ERBIN: variants seen among roughly 807,000 people sequenced by gnomAD.
ERBIN encodes the protein densin-180-like protein.
A neutral mutation model predicts 158.4 loss-of-function variants in ERBIN; 60 were observed. That is an observed-to-expected ratio of 0.38 (90% CI 0.31 to 0.47). ERBIN has a LOEUF of 0.47. Ranked by LOEUF, ERBIN falls within the 20% of genes least tolerant of loss-of-function variation. The pLI is 0.99. For synonymous variants in ERBIN, 594 were observed against 557.2 expected (o/e 1.07, Z -0.93); for missense variants, 1,610 against 1,648.0 (o/e 0.98, Z 0.40).
intron 14 of ERBIN, among the ~76,000 whole-genome samples, chr5:66,037,706 G>GGC (rs1757528760): frequency 6.6e-6 from 1 of 152,104 alleles, no homozygotes; most frequent in South Asian, 2.1e-4. Context: ...AGTCAGCCAA[G>GGC]GCTTTTATTG....
At chr5:66,042,128 C>T (rs539558832) in intron 15 of ERBIN, among the ~76,000 whole-genome samples, 10 of 151,986 alleles carry the variant, frequency 6.6e-5, no homozygotes, top group Admixed American at 5.9e-4. Flanking sequence ...CAGAAATATT[C>T]GAATTGACCA....
intron 14 of ERBIN, 38 bp from the exon 15 acceptor site, chr5:66,038,345 G>C (rs1220680052): frequency 7.4e-7 from 1 of 1,356,612 alleles, no homozygotes. Flanking sequence ...ATTTGCTTTA[G>C]GGTTATTGAA....
chr5:65,978,776 C>A (rs1022644469), intron 1 of ERBIN, among the ~76,000 whole-genome samples: 5 of 152,192 alleles, frequency 3.3e-5, no homozygotes, highest in African/African-American at 7.2e-5. Flanking sequence ...GTCCCTGTTA[C>A]ATTTTGCCAA....
At chr5:66,070,445 G>C (rs1274346451) in intron 21 of ERBIN, among the ~76,000 whole-genome samples, 1 of 152,014 alleles carries the variant, frequency 6.6e-6, no homozygotes, top group Admixed American at 6.6e-5. Flanking sequence ...ATTAACTCAG[G>C]GGTAATCTTT....
intron 1 of ERBIN, among the ~76,000 whole-genome samples, chr5:65,934,665 A>T (rs574754369): frequency 8.5e-5 from 13 of 152,290 alleles, no homozygotes; most frequent in African/African-American, 2.9e-4. Flanking sequence ...TTATGTGATT[A>T]AAGTTGTGGC....
At chr5:66,026,269 T>G (rs377608785) in intron 12 of ERBIN, 33 bp from the exon 13 acceptor site, 12 of 1,445,626 alleles carry the variant, frequency 8.3e-6, no homozygotes, top group African/African-American at 5.9e-5. Flanking sequence ...GTAGGCCAAA[T>G]TTTTTGATAC....
chr5:65,952,709 A>T (rs1215727331), intron 1 of ERBIN, among the ~76,000 whole-genome samples: 3 of 152,216 alleles, frequency 2.0e-5, no homozygotes, highest in Non-Finnish European at 4.4e-5. Flanking sequence ...GACTTTACAG[A>T]TACCTTGTAT....
intron 1 of ERBIN, among the ~76,000 whole-genome samples, chr5:65,968,443 G>A (rs1330898619): frequency 1.3e-5 from 2 of 152,168 alleles, no homozygotes; most frequent in Non-Finnish European, 2.9e-5. Flanking sequence ...ACTTTGAGAG[G>A]CTCTGTGGAA....
chr5:65,959,609 T>C (rs1747691925), intron 1 of ERBIN, among the ~76,000 whole-genome samples: 1 of 152,204 alleles, frequency 6.6e-6, no homozygotes, highest in African/African-American at 2.4e-5. Context: ...GAATACAACA[T>C]TGGAATTACA....
chr5:66,076,319 C>T lies in ERBIN; in HGVS notation c.3967C>T (p.Arg1323Ter). ...CTTTATTTTCATATTAACTCAGATT[C>T]GAGTGAGGGTTGAAAAGGATCCAGA... Reference protein sequence around the residue: ...QGHELAKQEIRVRVEKDPELG... With the variant: ...QGHELAKQEI Residue 1323 changes from arginine to a stop codon, truncating the protein, a stop_gained, in exon 24 of 26, where the codon CGA (arginine) becomes TGA (stop). Coordinates refer to ENST00000284037, the MANE Select transcript of ERBIN (RefSeq NM_001253697.2). LOFTEE classifies it high-confidence loss of function. The T allele has an allele frequency of 6.2e-7, 1 of 1,610,254 alleles. No individual in the cohort carries two copies. The highest frequency in any genetic ancestry group is 8.5e-7 in the Non-Finnish European group (1 of 1,178,736).
At chr5:65,998,197 T>C (rs1318568186) in intron 4 of ERBIN, among the ~76,000 whole-genome samples, 1 of 151,106 alleles carries the variant, frequency 6.6e-6, no homozygotes, top group East Asian at 1.9e-4. Flanking sequence ...CACTGTACTC[T>C]AGCTTGGGCG....
chr5:66,022,174 A>G (rs1210507938), intron 8 of ERBIN, among the ~76,000 whole-genome samples: 1 of 152,146 alleles, frequency 6.6e-6, no homozygotes, highest in Non-Finnish European at 1.5e-5. Flanking sequence ...GAGGAGGAAC[A>G]TGGTACTTTG....
At chr5:65,959,076 TTTATA>T (rs1325336512) in intron 1 of ERBIN, among the ~76,000 whole-genome samples, 1 of 152,248 alleles carries the variant, frequency 6.6e-6, no homozygotes, top group Non-Finnish European at 1.5e-5. Flanking sequence ...ATTAACTTTA[TTTATA>T]CGTGTTGTCA....
chr5:65,995,470 T>G (rs1027898591), intron 4 of ERBIN, among the ~76,000 whole-genome samples: 2 of 152,150 alleles, frequency 1.3e-5, no homozygotes, highest in African/African-American at 4.8e-5. Context: ...TTTCTTCTTT[T>G]TAAAGGCTGA....
chr5:65,982,037 T>C (rs1750717015), intron 1 of ERBIN, among the ~76,000 whole-genome samples: 1 of 152,178 alleles, frequency 6.6e-6, no homozygotes, highest in South Asian at 2.1e-4. Context: ...ATCTGAGATT[T>C]TACCCTATTT....
intron 14 of ERBIN, among the ~76,000 whole-genome samples, chr5:66,035,660 T>G (rs1228365127): frequency 6.6e-6 from 1 of 152,238 alleles, no homozygotes; most frequent in Non-Finnish European, 1.5e-5. Flanking sequence ...GTAGCCTTAG[T>G]ATGAACAGAT....
In ERBIN at chr5:66,053,628, T is replaced by C. The variant is rs543400912; in HGVS notation, c.2310T>C (p.Leu770=). 3.1e-6 allele frequency: 5 copies of C among 1,612,240 alleles called. No individual in the cohort carries two copies. In the Admixed American group the frequency reaches 6.7e-5, roughly 22 times the overall value. ...ATATCAATATGAATCTTAATAAACT[T>C]ATAACTAATGATACATTTCAACCAG... ...LDHINMNLNK[L]ITNDTFQPEI... The change falls in exon 21 of 26, where the codon CTT becomes CTC. Residue 770 remains leucine, a synonymous_variant. Transcript: ENST00000284037.
intron 1 of ERBIN, among the ~76,000 whole-genome samples, chr5:65,967,515 G>A (rs1426415355): frequency 6.6e-6 from 1 of 152,028 alleles, no homozygotes; most frequent in Admixed American, 6.5e-5. Context: ...ATCAGCATGC[G>A]GTACGTGTTC....
At chr5:66,012,236 A>G (rs1175891222) in intron 5 of ERBIN, 109 bp downstream of exon 5, 3 of 636,560 alleles carry the variant, frequency 4.7e-6, no homozygotes, top group Non-Finnish European at 7.8e-6. Flanking sequence ...TCTTAAGTCT[A>G]TACAAAATTT....
Sources: gnomAD v4.1 joint callset for allele counts (sites outside exome capture counted in the v4.1 genomes callset) on GRCh38, gnomAD v4.1.1 for gene constraint, MANE v1.5 for transcripts, NCBI Gene and HGNC (gene_info 2026-07-23, HGNC 2026-07-21) for gene names.